Variants in MAP7D2 observed in about 807,000 individuals in gnomAD.
MAP7D2 encodes the protein MAP7 domain containing 2.
MAP7D2 carries 33 observed loss-of-function variants against 63.5 expected under a neutral mutation model. The observed-to-expected ratio is 0.52, with a 90% CI of 0.39 to 0.70. The LOEUF (loss-of-function observed/expected upper bound fraction) is 0.70, where lower values mean the gene tolerates loss of function less well. Ranked by LOEUF, MAP7D2 falls within the 30% of genes least tolerant of loss-of-function variation. MAP7D2 has a pLI of 0.00. For synonymous variants in MAP7D2, 224 were observed against 223.7 expected, an observed-to-expected ratio of 1.00 and a Z score of -0.01; for missense variants, 626 against 604.0, an observed-to-expected ratio of 1.04 and a Z score of -0.38.
At position 20,094,569 on chromosome X, in the gene MAP7D2, CAT is replaced by C. The variant is rs1491172079; in HGVS notation, c.130+22179_130+22180del. Among the ~76,000 whole-genome samples, 15 of 8,488 alleles carry C rather than the reference CAT, an allele frequency of 1.8e-3. 3 individuals are homozygous for C. Among genetic ancestry groups the C allele is most frequent in the East Asian group, 5.2e-3 (1 of 191 alleles). 7.4% of individuals were successfully genotyped at this position (8,488 alleles called of 115,157 possible). On this transcript the variant is annotated intron_variant, in intron 1 of 16. Coordinates refer to ENST00000379643, the MANE Select transcript of MAP7D2 (RefSeq NM_001168465.2). Reference sequence around the variant, plus strand: ...ATATATATATATATATATATATATACATATATATGTATATATATATATATTTT... The same window carrying C: ...ATATATATATATATATATATATATACATATATGTATATATATATATATTTT...
In MAP7D2 at chrX:20,013,243, C is replaced by T. The variant is rs1048778518; in HGVS notation, c.1807-111G>A. On this transcript the variant is annotated intron_variant, in intron 13 of 16. Coordinates refer to ENST00000379643, the MANE Select transcript of MAP7D2 (RefSeq NM_001168465.2). The stretch of plus-strand genomic sequence containing the variant: ...TTTGAGCCTGGACCATCTGCCTGTT[C>T]TGTGGTAATTCTTTAAATCTTCAGC... 11 of 552,384 alleles carry T rather than the reference C, an allele frequency of 2.0e-5. No homozygotes were observed. In the African/African-American group the frequency reaches 2.5e-4, roughly 13 times the overall value. 45.5% of individuals were successfully genotyped at this position (552,384 alleles called of 1,213,427 possible). A position where few individuals can be genotyped will look rare whatever the true frequency, so the allele number is the denominator to read the frequency against.
intron 12 of MAP7D2, 83 bp downstream of exon 12, chrX:20,015,140 T>C: frequency 1.4e-6 from 1 of 692,730 alleles, no homozygotes; most frequent in Non-Finnish European, 2.3e-6. Flanking sequence ...AATCCTAGGA[T>C]CATTCTATCC....
At chrX:20,018,759 T>C (rs1268738013) in intron 10 of MAP7D2, among the ~76,000 whole-genome samples, 1 of 110,863 alleles carries the variant, frequency 9.0e-6, no homozygotes, top group East Asian at 2.8e-4. Context: ...TCCTCTTATA[T>C]ACCAAGTTCT....
chrX:20,043,188 C>G (rs1438059748), intron 7 of MAP7D2, among the ~76,000 whole-genome samples: 1 of 112,071 alleles, frequency 8.9e-6, no homozygotes, highest in African/African-American at 3.2e-5. Flanking sequence ...GGCCCCCACA[C>G]TCACATCCAT....
chrX:20,007,305 A>T lies in MAP7D2; in HGVS notation c.*1120T>A, dbSNP rs2073041155. On this transcript the variant is annotated 3_prime_UTR_variant, in exon 17 of 17. Coordinates refer to ENST00000379643, the MANE Select transcript of MAP7D2 (RefSeq NM_001168465.2). ...CCTTAATTATACAAGTCAAAACAAA[A>T]AGTTTCAAAGAAGAAAAGGTCATTT... is the stretch of plus-strand genomic sequence containing the variant. The T allele has an allele frequency of 8.9e-6, 1 of 112,477 alleles. No individual in the cohort carries two copies. The highest frequency in any genetic ancestry group is 1.9e-5 in the Non-Finnish European group (1 of 53,310). 9.3% of individuals were successfully genotyped at this position (112,477 alleles called of 1,213,427 possible). A position where few individuals can be genotyped will look rare whatever the true frequency, so the allele number is the denominator to read the frequency against.
At chrX:20,019,996 C>T (rs1175290037) in intron 10 of MAP7D2, among the ~76,000 whole-genome samples, 3 of 112,029 alleles carry the variant, frequency 2.7e-5, no homozygotes, top group East Asian at 5.6e-4. Context: ...ATCCTCATCC[C>T]CTGGATCCCT....
At chrX:20,034,086 G>A (rs1475504156) in intron 8 of MAP7D2, among the ~76,000 whole-genome samples, 14 of 108,205 alleles carry the variant, frequency 1.3e-4, no homozygotes, top group Non-Finnish European at 2.7e-4. Context: ...TTAGCCAGAC[G>A]TGGTGGTGCA....
At chrX:20,017,847 C>A in intron 10 of MAP7D2, among the ~76,000 whole-genome samples, 1 of 111,474 alleles carries the variant, frequency 9.0e-6, no homozygotes, top group Admixed American at 9.5e-5. Context: ...ATTAACGAGC[C>A]AATTATGATT....
At chrX:20,011,245 C>T (rs1358241922) in intron 15 of MAP7D2, among the ~76,000 whole-genome samples, 193 bp from the exon 16 acceptor site, 3 of 111,174 alleles carry the variant, frequency 2.7e-5, no homozygotes, top group Non-Finnish European at 5.6e-5. Flanking sequence ...ATGGTGGACA[C>T]GAGGCCCCAT....
chrX:20,111,699 C>T (rs1277053481), intron 1 of MAP7D2, among the ~76,000 whole-genome samples: 1 of 111,729 alleles, frequency 9.0e-6, no homozygotes, highest in Non-Finnish European at 1.9e-5. Flanking sequence ...TGTGAATATA[C>T]TAAAAACCAT....
chrX:20,096,014 G>A (rs973573132), intron 1 of MAP7D2, among the ~76,000 whole-genome samples: 10 of 102,163 alleles, frequency 9.8e-5, no homozygotes, highest in African/African-American at 3.3e-4. Flanking sequence ...ACCGGGAGAC[G>A]GAGGTTGCTG....
At chrX:20,092,739 A>G (rs2066102828) in intron 1 of MAP7D2, among the ~76,000 whole-genome samples, 1 of 112,416 alleles carries the variant, frequency 8.9e-6, no homozygotes, top group Non-Finnish European at 1.9e-5. Context: ...CAGAGGGCAA[A>G]GGGGAAGTTT....
At chrX:20,022,150 T>G (rs1458022994) in intron 10 of MAP7D2, among the ~76,000 whole-genome samples, 2 of 111,541 alleles carry the variant, frequency 1.8e-5, no homozygotes, top group Non-Finnish European at 3.8e-5. Flanking sequence ...TTGACCTGCA[T>G]TTTGAGAAAT....
chrX:20,056,094 G>A (rs981627759), intron 4 of MAP7D2, among the ~76,000 whole-genome samples: 2 of 111,696 alleles, frequency 1.8e-5, no homozygotes, highest in African/African-American at 3.3e-5. Flanking sequence ...TGCTAAGATC[G>A]CTGAAATGTA....
chrX:20,020,292 T>C (rs2073589805), intron 10 of MAP7D2, among the ~76,000 whole-genome samples: 1 of 111,125 alleles, frequency 9.0e-6, no homozygotes. Flanking sequence ...ATGTTTTCCA[T>C]GCCCTGGAAA....
intron 1 of MAP7D2, among the ~76,000 whole-genome samples, chrX:20,100,812 G>A (rs773728509): frequency 1.4e-4 from 16 of 110,599 alleles, no homozygotes; most frequent in South Asian, 3.9e-4. Context: ...ACCTGAGGTC[G>A]GGAGTTCGAG....
intron 8 of MAP7D2, among the ~76,000 whole-genome samples, chrX:20,029,212 G>T (rs1011180519): frequency 5.3e-5 from 6 of 112,378 alleles, no homozygotes; most frequent in Admixed American, 9.4e-5. Context: ...CCTTCCTGCA[G>T]ACATGACTCC....
rs115418481 is a variant in MAP7D2 at position 20,111,629 on chromosome X, G to A, written c.130+5121C>T. 5.4e-3 allele frequency among the ~76,000 whole-genome samples: 604 copies of A among 111,593 alleles called. 4 individuals are homozygous for A. Among genetic ancestry groups the A allele is most frequent in the African/African-American group, 0.019 (568 of 30,658 alleles). ...AATGAAGAATGTCAGTGAGTATGGG[G>A]ATTCTTTGTGGGGTGGTGAACATGT... On this transcript the variant is annotated intron_variant, in intron 1 of 16. Coordinates refer to ENST00000379643, the MANE Select transcript of MAP7D2 (RefSeq NM_001168465.2).
chrX:20,044,416 G>C lies in MAP7D2; in HGVS notation c.827C>G (p.Ser276Cys), dbSNP rs748236132. ...TTCTTTCCCAACATCTCCTGCACCAGATGTAGACGTAGATGTAGCTTTCTT... is the reference window on the plus strand; with the variant it reads ...TTCTTTCCCAACATCTCCTGCACCACATGTAGACGTAGATGTAGCTTTCTT... Reference protein sequence around the residue: ...EKKKATSTSTSGAGDVGKEAL... With the variant: ...EKKKATSTSTCGAGDVGKEAL... Residue 276 changes from serine to cysteine, a missense_variant, in exon 7 of 17, where the codon TCT becomes TGT. By Grantham distance (112) the Ser-to-Cys change is moderately radical. Transcript: ENST00000379643. The C allele has an allele frequency of 8.3e-7, 1 of 1,211,423 alleles. No homozygotes were observed.
Sources: allele counts gnomAD v4.1 joint callset (sites outside exome capture counted in the v4.1 genomes callset), GRCh38; gene constraint gnomAD v4.1.1; transcripts MANE v1.5; gene names NCBI Gene and HGNC (gene_info 2026-07-23, HGNC 2026-07-21).